ODAD2: variants seen among roughly 807,000 people sequenced by gnomAD.
ODAD2 encodes outer dynein arm-docking complex subunit 2.
In ODAD2, 89 loss-of-function variants were observed where a neutral mutation model predicts 106.8. That is an observed-to-expected ratio of 0.83 (90% CI 0.70 to 0.99). ODAD2 has a LOEUF of 0.99. Ranked by LOEUF, ODAD2 falls within the 50% of genes least tolerant of loss-of-function variation. The pLI is 0.00. For missense variants in ODAD2, 1,168 were observed against 1,238.5 expected (o/e 0.94, Z 0.85); for synonymous variants, 404 against 436.2 (o/e 0.93, Z 0.92).
intron 12 of ODAD2, among the ~76,000 whole-genome samples, chr10:27,943,795 CAAAAAAAAAAAAAAAAAA>C (rs56059926): frequency 5.8e-4 from 34 of 58,642 alleles, no homozygotes; most frequent in Non-Finnish European, 8.3e-4. Context: ...GGCTCTGTCT[CAAAAAAAAAAAAAAAAAA>C]AAAAAAAAAA....
At chr10:27,954,248 AC>A (rs899950340) in intron 10 of ODAD2, among the ~76,000 whole-genome samples, 5 of 152,206 alleles carry the variant, frequency 3.3e-5, no homozygotes, top group Admixed American at 2.6e-4. Flanking sequence ...CAGTACCACT[AC>A]TCTTCTCCAA....
chr10:27,875,453 T>A (rs1234170707), intron 17 of ODAD2, among the ~76,000 whole-genome samples: 2 of 152,236 alleles, frequency 1.3e-5, no homozygotes, highest in Middle Eastern at 3.4e-3. Flanking sequence ...ATTTTCAGCT[T>A]TTCTGCTCTG....
At chr10:27,880,915 G>C (rs7096964) in intron 17 of ODAD2, among the ~76,000 whole-genome samples, 105,042 of 152,094 alleles carry the variant, frequency 0.69, 36,424 homozygotes, top group Middle Eastern at 0.75. Context: ...GGAATGGAAG[G>C]CAGCATCATA....
intron 19 of ODAD2, among the ~76,000 whole-genome samples, chr10:27,816,565 T>A (rs1453805520): frequency 6.6e-6 from 1 of 152,092 alleles, no homozygotes. Flanking sequence ...AAGTGAGGCC[T>A]CAACAATGCA....
At chr10:27,888,294 T>TC (rs1270048905) in intron 17 of ODAD2, among the ~76,000 whole-genome samples, 4 of 152,128 alleles carry the variant, frequency 2.6e-5, no homozygotes, top group Non-Finnish European at 5.9e-5. Context: ...GTATAAGTGT[T>TC]CCCTTTTCTC....
At chr10:27,952,176 C>A (rs1222203490) in intron 10 of ODAD2, among the ~76,000 whole-genome samples, 5 of 145,358 alleles carry the variant, frequency 3.4e-5, no homozygotes, top group African/African-American at 1.3e-4. Context: ...AAAAGATGAA[C>A]AACCACACAG....
In ODAD2 at chr10:27,940,714, G is replaced by A; in HGVS notation, c.1835C>T (p.Ala612Val). Residue 612 changes from alanine (A) to valine (V), a missense_variant, in exon 13 of 20, where the codon GCA (alanine) becomes GTA (valine). By Grantham distance (64) the Ala-to-Val change is moderately conservative (BLOSUM62 0). Transcript: ENST00000305242. ...ARDVEVARCG[A>V]LALWSCSKSH... Reference sequence around the variant, plus strand: ...CTTACTGCAGCTCCACAGGGCCAGTGCCCCACAGCGAGCCACTTCCACGTC... The same window carrying A: ...CTTACTGCAGCTCCACAGGGCCAGTACCCCACAGCGAGCCACTTCCACGTC... 1 of 1,614,080 alleles carries A rather than the reference G, an allele frequency of 6.2e-7. No homozygotes were observed. The highest frequency in any genetic ancestry group is 2.2e-5 in the East Asian group (1 of 44,846).
intron 19 of ODAD2, among the ~76,000 whole-genome samples, chr10:27,847,446 GA>G (rs1838863047): frequency 6.6e-6 from 1 of 152,272 alleles, no homozygotes; most frequent in African/African-American, 2.4e-5. Context: ...AGCTATTTAT[GA>G]CATACCCACA....
At chr10:27,900,075 C>G (rs1004806302) in intron 17 of ODAD2, among the ~76,000 whole-genome samples, 2 of 152,130 alleles carry the variant, frequency 1.3e-5, no homozygotes, top group Admixed American at 6.5e-5. Context: ...CTCTGGCTGG[C>G]ATTTGGCAGG....
chr10:27,911,465 T>C (rs769094408), intron 16 of ODAD2, among the ~76,000 whole-genome samples: 46 of 152,170 alleles, frequency 3.0e-4, no homozygotes, highest in Non-Finnish European at 5.1e-4. Context: ...TAATGGACCA[T>C]TGGGAAACTA....
At chr10:27,913,153 G>A (rs766590684) in intron 16 of ODAD2, among the ~76,000 whole-genome samples, 18 of 151,848 alleles carry the variant, frequency 1.2e-4, no homozygotes, top group Non-Finnish European at 2.5e-4. Flanking sequence ...TTTTAGTTTT[G>A]GGGGTACATG....
intron 17 of ODAD2, among the ~76,000 whole-genome samples, chr10:27,887,095 C>T (rs1316703789): frequency 1.3e-5 from 2 of 151,782 alleles, no homozygotes; most frequent in East Asian, 3.9e-4. Context: ...AAAAACAATT[C>T]TACAATATAT....
chr10:27,990,691 C>A (rs1236395304), intron 2 of ODAD2, among the ~76,000 whole-genome samples: 1 of 152,034 alleles, frequency 6.6e-6, no homozygotes, highest in Non-Finnish European at 1.5e-5. Flanking sequence ...TTGAGTGTAA[C>A]CTTAGAGATC....
At chr10:27,822,184 G>A (rs541669008) in intron 19 of ODAD2, among the ~76,000 whole-genome samples, 85 of 152,338 alleles carry the variant, frequency 5.6e-4, no homozygotes, top group African/African-American at 1.9e-3. Context: ...TGTGACAAAG[G>A]TAGCATGGGA....
intron 16 of ODAD2, among the ~76,000 whole-genome samples, chr10:27,916,401 A>G (rs1019604676): frequency 3.3e-5 from 5 of 152,172 alleles, no homozygotes; most frequent in Admixed American, 6.6e-5. Flanking sequence ...GGTTACATAC[A>G]GGGAAATTGA....
At position 27,930,605 on chromosome 10, in the gene ODAD2, C is replaced by T. The variant is rs111958875; in HGVS notation, c.2495+4405G>A. On this transcript the variant is annotated intron_variant, in intron 16 of 19. Coordinates refer to ENST00000305242, the MANE Select transcript of ODAD2 (RefSeq NM_018076.5). ...TCATGCCACTGCACTCCAGCCTAGG[C>T]GACAGAGCCAGACTCTGTCTCAAAA... Among the ~76,000 whole-genome samples, 1,042 of 146,730 alleles carry T rather than the reference C, an allele frequency of 7.1e-3. 17 individuals carry two copies. The highest frequency in any genetic ancestry group is 0.025 in the African/African-American group (977 of 39,500).
intron 19 of ODAD2, among the ~76,000 whole-genome samples, chr10:27,834,671 G>A (rs1383809983): frequency 6.6e-6 from 1 of 152,244 alleles, no homozygotes; most frequent in Non-Finnish European, 1.5e-5. Flanking sequence ...GGGAAGCCAT[G>A]CTAGTGTTTT....
At chr10:27,929,124 G>A (rs1845446132) in intron 16 of ODAD2, among the ~76,000 whole-genome samples, 1 of 152,014 alleles carries the variant, frequency 6.6e-6, no homozygotes, top group Non-Finnish European at 1.5e-5. Flanking sequence ...AGACTGTACA[G>A]AAAAATACAA....
intron 17 of ODAD2, among the ~76,000 whole-genome samples, chr10:27,869,339 A>G (rs1840682967): frequency 6.6e-6 from 1 of 152,026 alleles, no homozygotes; most frequent in African/African-American, 2.4e-5. Context: ...AATAGGGCAC[A>G]TTTTAAAATC....
Sources: allele counts gnomAD v4.1 joint callset (sites outside exome capture counted in the v4.1 genomes callset), GRCh38; gene constraint gnomAD v4.1.1; transcripts MANE v1.5; gene names NCBI Gene and HGNC (gene_info 2026-07-23, HGNC 2026-07-21).